The following PHACTR3 variants were observed in gnomAD, a reference collection of about 807,000 sequenced individuals.
PHACTR3 encodes phosphatase and actin regulator 3.
PHACTR3 carries 16 observed loss-of-function variants against 66.8 expected under a neutral mutation model. The observed-to-expected ratio is 0.24, with a 90% CI of 0.16 to 0.36. PHACTR3 has a LOEUF of 0.36. Among genes scored for constraint, PHACTR3 ranks in the 10% least tolerant of loss-of-function variants. PHACTR3 has a pLI of 1.00. For missense variants in PHACTR3, 647 were observed against 719.9 expected (o/e 0.90, Z 1.16); for synonymous variants, 323 against 292.1 (o/e 1.11, Z -1.08).
chr20:59,708,174 CCAAGCCAA>C (rs1202243878), intron 1 of PHACTR3, among the ~76,000 whole-genome samples: 1 of 152,162 alleles, frequency 6.6e-6, no homozygotes, highest in African/African-American at 2.4e-5. Flanking sequence ...TCAGCTCCAT[CCAAGCCAA>C]TGGACTGCTG....
rs2033593367 is a variant in PHACTR3, at chr20:59,604,664, G to A, written c.-351G>A. 3 of 994,136 alleles carry A rather than the reference G, an allele frequency of 3.0e-6. No homozygotes were observed. Among genetic ancestry groups the A allele is most frequent in the Non-Finnish European group, 3.6e-6 (3 of 835,990 alleles). The allele number at this position is 994,136 out of a possible 1,614,324, so 61.6% of individuals were successfully genotyped here. ...GGACATCACCCCCTGCCCCAAGCAC[G>A]CAATAAACACTGACAAGAAAAAGTT... On this transcript the variant is annotated 5_prime_UTR_variant, in exon 1 of 13. Transcript: ENST00000371015.
At chr20:59,697,291 C>G (rs573297048) in intron 1 of PHACTR3, among the ~76,000 whole-genome samples, 1 of 152,168 alleles carries the variant, frequency 6.6e-6, no homozygotes, top group African/African-American at 2.4e-5. Context: ...TCTCAGCATG[C>G]GATTGCATCA....
At chr20:59,629,731 C>G (rs1468599579) in intron 1 of PHACTR3, among the ~76,000 whole-genome samples, 1 of 152,226 alleles carries the variant, frequency 6.6e-6, no homozygotes, top group Admixed American at 6.5e-5. Flanking sequence ...GCTTAGTGCT[C>G]ATGAAATAAA....
intron 1 of PHACTR3, among the ~76,000 whole-genome samples, chr20:59,649,077 C>T (rs1034033779): frequency 8.5e-5 from 13 of 152,170 alleles, no homozygotes; most frequent in Admixed American, 7.9e-4. Context: ...CCCAGAGTTT[C>T]CATGCTGGAC....
At chr20:59,765,640 G>A (rs2040154611) in intron 4 of PHACTR3, among the ~76,000 whole-genome samples, 1 of 152,216 alleles carries the variant, frequency 6.6e-6, no homozygotes, top group Non-Finnish European at 1.5e-5. Context: ...TAGCTAATGG[G>A]ATACAAGGAG....
intron 9 of PHACTR3, among the ~76,000 whole-genome samples, chr20:59,840,147 G>T (rs2059032314): frequency 6.6e-6 from 1 of 152,130 alleles, no homozygotes; most frequent in African/African-American, 2.4e-5. Flanking sequence ...ACCAGGTTGG[G>T]ATGACAGCAA....
chr20:59,773,238 C>G (rs1156580017), intron 5 of PHACTR3, 41 bp from the exon 6 acceptor site: 1 of 1,588,868 alleles, frequency 6.3e-7, no homozygotes, highest in African/African-American at 1.3e-5. Context: ...GGTCCCAGCT[C>G]CTGAAGACCT....
intron 1 of PHACTR3, among the ~76,000 whole-genome samples, chr20:59,656,209 C>T (rs1421505651): frequency 6.6e-6 from 1 of 151,858 alleles, no homozygotes; most frequent in East Asian, 1.9e-4. Context: ...CCTTAATCTT[C>T]TGCCCACTTA....
chr20:59,616,640 TGA>T (rs1483592397), intron 1 of PHACTR3, among the ~76,000 whole-genome samples: 1 of 152,198 alleles, frequency 6.6e-6, no homozygotes, highest in African/African-American at 2.4e-5. Flanking sequence ...AGCTGGGACG[TGA>T]GGCTGTGGCT....
At chr20:59,608,488 T>A (rs1018453814) in intron 1 of PHACTR3, among the ~76,000 whole-genome samples, 15 of 152,230 alleles carry the variant, frequency 9.9e-5, no homozygotes, top group Non-Finnish European at 2.2e-4. Context: ...GGGTTTTGCT[T>A]CCTTTTCTTC....
chr20:59,777,903 C>T (rs1568811458), intron 7 of PHACTR3, among the ~76,000 whole-genome samples: 2 of 152,130 alleles, frequency 1.3e-5, no homozygotes, highest in African/African-American at 4.8e-5. Flanking sequence ...GTGGACTCTA[C>T]GCATGCGTCC....
At chr20:59,731,328 G>A (rs1162057677) in intron 1 of PHACTR3, among the ~76,000 whole-genome samples, 1 of 152,124 alleles carries the variant, frequency 6.6e-6, no homozygotes, top group Non-Finnish European at 1.5e-5. Context: ...ATATAGGTGG[G>A]CCTCTTGTAC....
intron 4 of PHACTR3, among the ~76,000 whole-genome samples, chr20:59,758,474 A>G (rs549210375): frequency 6.6e-6 from 1 of 152,344 alleles, no homozygotes; most frequent in South Asian, 2.1e-4. Flanking sequence ...CAGGAGCCAC[A>G]AGTCTGATTT....
intron 3 of PHACTR3, 111 bp from the exon 4 acceptor site, chr20:59,755,071 G>A: frequency 9.2e-7 from 1 of 1,087,808 alleles, no homozygotes; most frequent in Non-Finnish European, 1.3e-6. Context: ...GGAGAGGGGT[G>A]GGGGACCACC....
Position 59,749,248 on chromosome 20 carries a change from G to A in PHACTR3, c.358+1413G>A, listed in dbSNP as rs188724243. On this transcript the variant is annotated intron_variant, in intron 3 of 12. Coordinates refer to ENST00000371015, the MANE Select transcript of PHACTR3 (RefSeq NM_080672.5). ...CCAACAAGCATACCTTTGGATCTTAGGGAAGGAGAAAGGAAGATGAAAACA... is the reference window on the plus strand; with the variant it reads ...CCAACAAGCATACCTTTGGATCTTAAGGAAGGAGAAAGGAAGATGAAAACA... 1.2e-4 allele frequency among the ~76,000 whole-genome samples: 19 copies of A among 152,280 alleles called. No individual in the cohort carries two copies. The East Asian group carries it at 2.3e-3, about 19-fold the overall frequency.
At chr20:59,616,655 G>C (rs1019383588) in intron 1 of PHACTR3, among the ~76,000 whole-genome samples, 10 of 152,220 alleles carry the variant, frequency 6.6e-5, no homozygotes, top group African/African-American at 2.4e-4. Context: ...CTGTGGCTGC[G>C]CTGAGCTGAC....
intron 1 of PHACTR3, among the ~76,000 whole-genome samples, chr20:59,643,174 G>T (rs2035165613): frequency 6.6e-6 from 1 of 152,220 alleles, no homozygotes; most frequent in African/African-American, 2.4e-5. Context: ...GCCTCCCAAA[G>T]TGCTGGGATT....
At chr20:59,637,696 TAAAAA>T (rs34038040) in intron 1 of PHACTR3, among the ~76,000 whole-genome samples, 1 of 143,208 alleles carries the variant, frequency 7.0e-6, no homozygotes, top group African/African-American at 2.6e-5. Context: ...CACAAAGCAT[TAAAAA>T]AAAAAAAAAA....
intron 1 of PHACTR3, among the ~76,000 whole-genome samples, chr20:59,674,034 C>A (rs545357631): frequency 2.0e-5 from 3 of 152,128 alleles, no homozygotes; most frequent in African/African-American, 7.2e-5. Context: ...AGTCGAGCTT[C>A]TGATGAAATT....
Sources: gnomAD v4.1 joint callset for allele counts (sites outside exome capture counted in the v4.1 genomes callset) on GRCh38, gnomAD v4.1.1 for gene constraint, MANE v1.5 for transcripts, NCBI Gene and HGNC (gene_info 2026-07-23, HGNC 2026-07-21) for gene names.